WWOX: variants seen among roughly 807,000 people sequenced by gnomAD.
WWOX encodes the protein WW domain containing oxidoreductase, also known as WW domain-containing oxidoreductase.
A neutral mutation model predicts 46.2 loss-of-function variants in WWOX; 69 were observed. That is an observed-to-expected ratio of 1.49 (90% CI 1.23 to 1.82). The LOEUF is 1.82. Ranked by LOEUF, WWOX falls within the 40% of genes most tolerant of loss-of-function variation. The pLI, the probability that WWOX is intolerant of heterozygous loss-of-function variation, is 0.00. For missense variants in WWOX, 919 were observed against 542.6 expected, an observed-to-expected ratio of 1.69 and a Z score of -6.89; for synonymous variants, 359 against 202.6, an observed-to-expected ratio of 1.77 and a Z score of -6.56.
At chr16:79,069,070 G>C (rs573089052) in intron 8 of WWOX, among the ~76,000 whole-genome samples, 1 of 152,134 alleles carries the variant, frequency 6.6e-6, no homozygotes, top group Non-Finnish European at 1.5e-5. Flanking sequence ...GTAAAGCGCA[G>C]AGCAGATGAA....
chr16:78,297,031 A>G (rs1476777390), intron 5 of WWOX, among the ~76,000 whole-genome samples: 1 of 152,098 alleles, frequency 6.6e-6, no homozygotes, highest in Admixed American at 6.6e-5. Flanking sequence ...GAATTGGTAA[A>G]ATTATCTGGC....
intron 8 of WWOX, among the ~76,000 whole-genome samples, chr16:78,848,443 G>T (rs1289240355): frequency 1.3e-5 from 2 of 152,188 alleles, no homozygotes; most frequent in Non-Finnish European, 2.9e-5. Context: ...GTAAGGCTCT[G>T]AGTGTTTATC....
At chr16:78,860,207 T>C (rs1206126292) in intron 8 of WWOX, among the ~76,000 whole-genome samples, 2 of 152,242 alleles carry the variant, frequency 1.3e-5, no homozygotes, top group African/African-American at 2.4e-5. Context: ...TATTTACTTA[T>C]ACTGTGCTAT....
At chr16:78,352,830 A>C (rs1248561956) in intron 5 of WWOX, among the ~76,000 whole-genome samples, 1 of 152,228 alleles carries the variant, frequency 6.6e-6, no homozygotes, top group Non-Finnish European at 1.5e-5. Context: ...TGTATAGCAG[A>C]GTTAGATAGA....
chr16:78,766,247 C>G (rs772372279), intron 8 of WWOX, among the ~76,000 whole-genome samples: 2 of 152,186 alleles, frequency 1.3e-5, no homozygotes, highest in Non-Finnish European at 2.9e-5. Flanking sequence ...TCACCTAGCG[C>G]TGGTAGAAAG....
chr16:79,190,478 C>T (rs990617108), intron 8 of WWOX, among the ~76,000 whole-genome samples: 9 of 152,166 alleles, frequency 5.9e-5, no homozygotes, highest in Admixed American at 6.5e-5. Flanking sequence ...AGGCCTTACC[C>T]CGCTACAGAG....
At chr16:79,132,393 C>T (rs146452255) in intron 8 of WWOX, among the ~76,000 whole-genome samples, 158 of 152,256 alleles carry the variant, frequency 1.0e-3, no homozygotes, top group African/African-American at 3.5e-3. Context: ...CTTTGTCTAA[C>T]GCTTCATGAG....
chr16:78,963,838 A>G (rs34989694), intron 8 of WWOX, among the ~76,000 whole-genome samples: 10,174 of 152,260 alleles, frequency 0.067, 427 homozygotes, highest in Non-Finnish European at 0.097. Flanking sequence ...ATCTCCCAGA[A>G]TTCCCACGTG....
At chr16:78,838,929 G>T (rs951416218) in intron 8 of WWOX, among the ~76,000 whole-genome samples, 1 of 152,112 alleles carries the variant, frequency 6.6e-6, no homozygotes, top group Non-Finnish European at 1.5e-5. Flanking sequence ...GTGGGAACCA[G>T]AGTGGATTTA....
chr16:78,865,405 T>G (rs2043982022), intron 8 of WWOX, among the ~76,000 whole-genome samples: 1 of 152,208 alleles, frequency 6.6e-6, no homozygotes, highest in South Asian at 2.1e-4. Flanking sequence ...AGATAAATCT[T>G]TACACTCCAG....
intron 6 of WWOX, among the ~76,000 whole-genome samples, chr16:78,419,684 T>G (rs766965560): frequency 1.8e-4 from 22 of 122,754 alleles, no homozygotes; most frequent in Non-Finnish European, 3.6e-4. Context: ...GCTAAAACTA[T>G]ACAACTCTTA....
chr16:78,457,909 C>CAAAA (rs57956003), intron 8 of WWOX, among the ~76,000 whole-genome samples: 17 of 86,986 alleles, frequency 2.0e-4, no homozygotes, highest in African/African-American at 8.1e-4. Flanking sequence ...GACTCTGACT[C>CAAAA]AAAAAAAAAA....
intron 8 of WWOX, among the ~76,000 whole-genome samples, chr16:78,831,869 C>T (rs548867994): frequency 7.9e-5 from 12 of 152,120 alleles, no homozygotes; most frequent in Non-Finnish European, 1.5e-4. Context: ...AGGAAAACAT[C>T]CTTGGCAGGT....
intron 4 of WWOX, among the ~76,000 whole-genome samples, chr16:78,147,821 AATTTTTCTTT>A (rs2034260818): frequency 7.2e-6 from 1 of 138,534 alleles, no homozygotes; most frequent in Non-Finnish European, 1.6e-5. Context: ...TTTTTTTCTT[AATTTTTCTTT>A]TTTAAACAAT....
intron 8 of WWOX, chr16:78,896,590 C>G (rs1411771482): frequency 6.6e-6 from 1 of 152,154 alleles, no homozygotes; most frequent in Non-Finnish European, 1.5e-5. Flanking sequence ...CTGAAGCCTA[C>G]TCTCTTTCCA....
chr16:78,471,556 C>T (rs1382306851), intron 8 of WWOX, among the ~76,000 whole-genome samples: 1 of 152,156 alleles, frequency 6.6e-6, no homozygotes, highest in African/African-American at 2.4e-5. Flanking sequence ...TTACATCCTC[C>T]ATGAAATCTC....
intron 8 of WWOX, among the ~76,000 whole-genome samples, chr16:78,448,352 G>T (rs2083610195): frequency 6.6e-6 from 1 of 152,130 alleles, no homozygotes. Context: ...TCAATATTTA[G>T]CAGGTTAATA....
chr16:78,372,727 T>G (rs190156729), intron 5 of WWOX, among the ~76,000 whole-genome samples: 21 of 152,358 alleles, frequency 1.4e-4, no homozygotes, highest in Admixed American at 5.9e-4. Flanking sequence ...AATCTTTATT[T>G]AATTTCTTAA....
chr16:78,242,192 A>C (rs114914926), intron 5 of WWOX, among the ~76,000 whole-genome samples: 2,549 of 152,334 alleles, frequency 0.017, 63 homozygotes, highest in African/African-American at 0.054. Flanking sequence ...ATTTTCTTTA[A>C]TGGGCTAAAC....
Sources: gnomAD v4.1 joint callset for allele counts (sites outside exome capture counted in the v4.1 genomes callset) on GRCh38, gnomAD v4.1.1 for gene constraint, MANE v1.5 for transcripts, NCBI Gene and HGNC (gene_info 2026-07-23, HGNC 2026-07-21) for gene names.